The following GRIN2B variants were observed in gnomAD, a reference collection of about 807,000 sequenced individuals.
GRIN2B encodes glutamate receptor ionotropic, NMDA 2B.
Under a neutral mutation model 114.5 loss-of-function variants are expected in GRIN2B, and 5 were observed. That is an observed-to-expected ratio of 0.04 (90% CI 0.02 to 0.09). The LOEUF (loss-of-function observed/expected upper bound fraction) is 0.09, where lower values mean the gene tolerates loss of function less well. Ranked by LOEUF, GRIN2B falls within the 10% of genes least tolerant of loss-of-function variation. GRIN2B has a pLI of 1.00. For missense variants in GRIN2B, 1,108 were observed against 1,943.5 expected (o/e 0.57, Z 8.08); for synonymous variants, 787 against 745.1 (o/e 1.06, Z -0.92).
chr12:13,875,139 C>T (rs1044886095), intron 2 of GRIN2B, among the ~76,000 whole-genome samples: 4 of 152,020 alleles, frequency 2.6e-5, no homozygotes, highest in African/African-American at 9.7e-5. Context: ...GTGTTCTCAT[C>T]GTTCAGCTCC....
In GRIN2B at chr12:13,826,471, A is replaced by G. The variant is rs180837457; in HGVS notation, c.411+39327T>C. On this transcript the variant is annotated intron_variant, in intron 3 of 13. Coordinates refer to ENST00000609686, the MANE Select transcript of GRIN2B (RefSeq NM_000834.5). Reference sequence around the variant, plus strand: ...GGGCAACCAGTGAAACTTCATTTCAAAAAATAAATAAATAATATTTTGCCA... The same window carrying G: ...GGGCAACCAGTGAAACTTCATTTCAGAAAATAAATAAATAATATTTTGCCA... Among the ~76,000 whole-genome samples, 33 of 152,268 alleles carry G rather than the reference A, an allele frequency of 2.2e-4. 1 individual carries two copies. In the East Asian group the frequency reaches 5.8e-3, roughly 27 times the overall value.
intron 5 of GRIN2B, among the ~76,000 whole-genome samples, chr12:13,639,874 C>G (rs1591654110): frequency 6.6e-6 from 1 of 151,762 alleles, no homozygotes; most frequent in East Asian, 1.9e-4. Flanking sequence ...ATTAAATTTC[C>G]CATGTTCTTT....
intron 4 of GRIN2B, among the ~76,000 whole-genome samples, chr12:13,695,206 A>C (rs1309104009): frequency 6.6e-6 from 1 of 152,180 alleles, no homozygotes; most frequent in African/African-American, 2.4e-5. Context: ...GAAAACAGAC[A>C]GGATAGGAAA....
At chr12:13,894,228 T>A (rs1452392063) in intron 2 of GRIN2B, among the ~76,000 whole-genome samples, 1 of 152,156 alleles carries the variant, frequency 6.6e-6, no homozygotes, top group African/African-American at 2.4e-5. Context: ...TTTCTGGGAA[T>A]CTTTCCTAAA....
chr12:13,701,532 A>C (rs1307334972), intron 4 of GRIN2B, among the ~76,000 whole-genome samples: 2 of 151,218 alleles, frequency 1.3e-5, no homozygotes, highest in African/African-American at 4.9e-5. Flanking sequence ...AAAAAAAAGA[A>C]AAAAAAACAG....
At chr12:13,800,537 C>T (rs925053838) in intron 3 of GRIN2B, among the ~76,000 whole-genome samples, 1 of 152,078 alleles carries the variant, frequency 6.6e-6, no homozygotes, top group African/African-American at 2.4e-5. Flanking sequence ...GGTTATTAAC[C>T]ACGGTTTAAA....
intron 3 of GRIN2B, among the ~76,000 whole-genome samples, chr12:13,863,245 G>A (rs1865776341): frequency 6.6e-6 from 1 of 152,144 alleles, no homozygotes; most frequent in Non-Finnish European, 1.5e-5. Flanking sequence ...CTACACTTAA[G>A]CGCTCCACCA....
chr12:13,933,354 G>T lies in GRIN2B; in HGVS notation c.-19+46574C>A, dbSNP rs76886264. Reference sequence around the variant, plus strand: ...TCTTCTATCCAATCAATTTAATGTGGCTGCTATATATCTCCGTTTTGGTCA... The same window carrying T: ...TCTTCTATCCAATCAATTTAATGTGTCTGCTATATATCTCCGTTTTGGTCA... On this transcript the variant is annotated intron_variant, in intron 2 of 13. Coordinates refer to ENST00000609686, the MANE Select transcript of GRIN2B (RefSeq NM_000834.5). Among the ~76,000 whole-genome samples the T allele has an allele frequency of 7.1e-3, 1,083 of 152,238 alleles. 17 individuals carry two copies. Among genetic ancestry groups the T allele is most frequent in the African/African-American group, 0.025 (1,018 of 41,520 alleles).
chr12:13,808,528 G>C (rs1864656092), intron 3 of GRIN2B, among the ~76,000 whole-genome samples: 1 of 151,614 alleles, frequency 6.6e-6, no homozygotes, highest in African/African-American at 2.4e-5. Context: ...TTCACTCATA[G>C]GTGGGAATTG....
At chr12:13,653,222 T>C (rs1416293122) in intron 5 of GRIN2B, among the ~76,000 whole-genome samples, 1 of 152,086 alleles carries the variant, frequency 6.6e-6, no homozygotes, top group African/African-American at 2.4e-5. Context: ...TAGATTGTGA[T>C]GCCAACATCG....
At chr12:13,727,478 A>T (rs939323840) in intron 4 of GRIN2B, among the ~76,000 whole-genome samples, 3 of 152,206 alleles carry the variant, frequency 2.0e-5, no homozygotes, top group Non-Finnish European at 2.9e-5. Context: ...GGGCTTTAGC[A>T]TTGGGTGATC....
At chr12:13,690,209 G>A (rs996966281) in intron 4 of GRIN2B, among the ~76,000 whole-genome samples, 2 of 151,574 alleles carry the variant, frequency 1.3e-5, no homozygotes, top group East Asian at 1.9e-4. Flanking sequence ...TTTTTCACTT[G>A]CAGAAGACTA....
chr12:13,587,344 CT>C (rs112925422), intron 10 of GRIN2B, among the ~76,000 whole-genome samples: 1,611 of 138,866 alleles, frequency 0.012, 15 homozygotes, highest in African/African-American at 0.029. Context: ...CTTTTTATTT[CT>C]TTTTTTTTTT....
At chr12:13,688,361 G>T (rs2300245) in intron 4 of GRIN2B, among the ~76,000 whole-genome samples, 31,888 of 152,020 alleles carry the variant, frequency 0.21, 4,243 homozygotes, top group East Asian at 0.59. Flanking sequence ...ACCATAAAGA[G>T]GCCTACAGGA....
chr12:13,739,476 A>C (rs1230458225), intron 4 of GRIN2B, among the ~76,000 whole-genome samples: 1 of 151,070 alleles, frequency 6.6e-6, no homozygotes, highest in African/African-American at 2.4e-5. Flanking sequence ...TTTATTCAAC[A>C]TTACTGCCTC....
chr12:13,799,636 C>A (rs1864471512), intron 3 of GRIN2B, among the ~76,000 whole-genome samples: 1 of 151,922 alleles, frequency 6.6e-6, no homozygotes, highest in Non-Finnish European at 1.5e-5. Context: ...ACTGCTGTGC[C>A]ATTATGGGTC....
chr12:13,716,566 T>C (rs561583547), intron 4 of GRIN2B, among the ~76,000 whole-genome samples: 25 of 151,790 alleles, frequency 1.6e-4, no homozygotes, highest in African/African-American at 6.0e-4. Context: ...AAATACGAGA[T>C]TGATGTCGAA....
rs147201289 is a variant in GRIN2B at position 13,827,023 on chromosome 12, T to G, written c.411+38775A>C. Reference sequence around the variant, plus strand: ...GGTGTAGAGTTCTTTGTTGAGAGGTTTTTTTTTTTAATGTTTTTCAGTATT... The same window carrying G: ...GGTGTAGAGTTCTTTGTTGAGAGGTGTTTTTTTTTAATGTTTTTCAGTATT... On this transcript the variant is annotated intron_variant, in intron 3 of 13. Transcript: ENST00000609686. 3.1e-3 allele frequency among the ~76,000 whole-genome samples: 461 copies of G among 149,440 alleles called. 4 individuals are homozygous for G. Among genetic ancestry groups the G allele is most frequent in the African/African-American group, 0.01 (410 of 40,942 alleles).
intron 5 of GRIN2B, among the ~76,000 whole-genome samples, chr12:13,660,632 C>T (rs1160035423): frequency 6.6e-6 from 1 of 152,108 alleles, no homozygotes; most frequent in African/African-American, 2.4e-5. Context: ...GCTATATGGT[C>T]AATGTTGTTC....
Sources: gnomAD v4.1 joint callset for allele counts (sites outside exome capture counted in the v4.1 genomes callset) on GRCh38, gnomAD v4.1.1 for gene constraint, MANE v1.5 for transcripts, NCBI Gene and HGNC (gene_info 2026-07-23, HGNC 2026-07-21) for gene names.